ANXA1: variants seen among roughly 807,000 people sequenced by gnomAD.
The protein encoded by ANXA1 is annexin I (lipocortin I).
In ANXA1, 39 loss-of-function variants were observed where a neutral mutation model predicts 47.9. That is an observed-to-expected ratio of 0.81 (90% confidence interval 0.63 to 1.06). The LOEUF (loss-of-function observed/expected upper bound fraction) is 1.06, where lower values mean the gene tolerates loss of function less well. ANXA1 is among the 50% of genes least tolerant of loss of function. The pLI is 0.00. For synonymous variants in ANXA1, 146 were observed against 142.5 expected (o/e 1.02, Z -0.17); for missense variants, 446 against 422.7 (o/e 1.06, Z -0.48).
In ANXA1 at chr9:73,160,528, A is replaced by G. The variant is rs536114432; in HGVS notation, c.384+152A>G. 5.1e-6 allele frequency: 3 copies of G among 591,488 alleles called. No individual in the cohort carries two copies. The African/African-American group carries it at 5.7e-5, about 11-fold the overall frequency. 36.6% of individuals were successfully genotyped at this position (591,488 alleles called of 1,614,324 possible). On this transcript the variant is annotated intron_variant, in intron 5 of 12. Transcript: ENST00000257497. ...AATTAATACCTCAATGAAGGAATTA[A>G]TATATAAATGAAAACAGAAATGTTG...
intron 4 of ANXA1, 198 bp downstream of exon 4, chr9:73,159,621 A>G (rs991043840): frequency 4.4e-6 from 2 of 450,948 alleles, no homozygotes; most frequent in African/African-American, 2.0e-5. Flanking sequence ...TACATTAGTC[A>G]TCTTGGTGTA....
At position 73,158,699 on chromosome 9, in the gene ANXA1, C is replaced by G. The variant is rs770534471; in HGVS notation, c.71C>G (p.Thr24Ser). 2 of 1,613,612 alleles carry G rather than the reference C, an allele frequency of 1.2e-6. No homozygotes were observed. Among genetic ancestry groups the G allele is most frequent in the African/African-American group, 2.7e-5 (2 of 74,850 alleles). Residue 24 changes from threonine (T) to serine (S), a missense_variant, in exon 3 of 13, where the codon ACT becomes AGT. Transcript: ENST00000257497. ...IENEEQEYVQTVKSSKGGPGS... is the reference protein window; with the variant it reads ...IENEEQEYVQSVKSSKGGPGS... The stretch of plus-strand genomic sequence containing the variant: ...TTATTTCTCTCTCATTCTTAGCAAA[C>G]TGTGAAGTCATCCAAAGGTGGTCCC...
At position 73,170,091 on chromosome 9, in the gene ANXA1, TTTGTGG is replaced by T. The variant is rs1285462034; in HGVS notation, c.1026_1031del (p.Cys343_Gly344del). The T allele has an allele frequency of 4.4e-6, 7 of 1,606,628 alleles. No individual in the cohort carries two copies. The highest frequency in any genetic ancestry group is 2.7e-5 in the African/African-American group (2 of 74,774). On this transcript the variant is annotated inframe_deletion, in exon 13 of 13. Coordinates refer to ENST00000257497, the MANE Select transcript of ANXA1 (RefSeq NM_000700.3). ...GATTATGAGAAAATCCTGGTGGCTCTTTGTGGAGGAAACTAAACATTCCCTTGATGG... is the reference window on the plus strand; with the variant it reads ...GATTATGAGAAAATCCTGGTGGCTCTAGGAAACTAAACATTCCCTTGATGG...
At chr9:73,163,432 T>C in intron 7 of ANXA1, 44 bp from the exon 8 acceptor site, 1 of 1,566,142 alleles carries the variant, frequency 6.4e-7, no homozygotes. Flanking sequence ...ATCATGCAAT[T>C]ACATGCTAGA....
intron 7 of ANXA1, among the ~76,000 whole-genome samples, 153 bp from the exon 8 acceptor site, chr9:73,163,323 G>T (rs1824175031): frequency 6.6e-6 from 1 of 152,046 alleles, no homozygotes; most frequent in Admixed American, 6.6e-5. Context: ...TAAAACCATC[G>T]CAAGTAAAAT....
At chr9:73,163,282 T>G (rs544601839) in intron 7 of ANXA1, among the ~76,000 whole-genome samples, 194 bp from the exon 8 acceptor site, 15 of 152,204 alleles carry the variant, frequency 9.9e-5, no homozygotes, top group South Asian at 8.3e-4. Context: ...GGGATCAAAT[T>G]TCAACATGAG....
chr9:73,156,151 A>ATATAAATAAAT (rs1491573417), intron 1 of ANXA1, among the ~76,000 whole-genome samples: 2 of 112,736 alleles, frequency 1.8e-5, no homozygotes, highest in African/African-American at 1.1e-4. Flanking sequence ...TAAATAATAT[A>ATATAAATAAAT]AATAAATAAA....
intron 1 of ANXA1, among the ~76,000 whole-genome samples, chr9:73,153,751 A>G (rs1314355493): frequency 6.6e-6 from 1 of 152,232 alleles, no homozygotes; most frequent in Non-Finnish European, 1.5e-5. Context: ...ATTCAATAAT[A>G]CTTATTAACA....
chr9:73,170,121 G>C lies in ANXA1; in HGVS notation c.*14G>C. On this transcript the variant is annotated 3_prime_UTR_variant, in exon 13 of 13. Coordinates refer to ENST00000257497, the MANE Select transcript of ANXA1 (RefSeq NM_000700.3). Reference sequence around the variant, plus strand: ...GGAGGAAACTAAACATTCCCTTGATGGTCTCAAGCTATGATCAGAAGACTT... The same window carrying C: ...GGAGGAAACTAAACATTCCCTTGATCGTCTCAAGCTATGATCAGAAGACTT... The C allele has an allele frequency of 6.3e-7, 1 of 1,597,334 alleles. No individual in the cohort carries two copies. The highest frequency in any genetic ancestry group is 2.2e-5 in the East Asian group (1 of 44,492).
At chr9:73,156,155 A>AAATAAATAAAT (rs1554673380) in intron 1 of ANXA1, among the ~76,000 whole-genome samples, 5 of 145,378 alleles carry the variant, frequency 3.4e-5, no homozygotes, top group East Asian at 3.9e-4. Flanking sequence ...TAATATAAAT[A>AAATAAATAAAT]AATAAATAAA....
chr9:73,152,367 T>C (rs1255103540), intron 1 of ANXA1, among the ~76,000 whole-genome samples: 2 of 152,230 alleles, frequency 1.3e-5, no homozygotes, highest in African/African-American at 4.8e-5. Flanking sequence ...TGCAGGGAAC[T>C]GTTTCAAAAT....
intron 5 of ANXA1, 27 bp downstream of exon 5, chr9:73,160,403 CT>C: frequency 6.7e-7 from 1 of 1,489,950 alleles, no homozygotes; most frequent in South Asian, 1.3e-5. Context: ...GAGCAAACTC[CT>C]TTCCTCAAGA....
At chr9:73,165,089 A>G in intron 8 of ANXA1, 27 bp from the exon 9 acceptor site, 1 of 1,556,882 alleles carries the variant, frequency 6.4e-7, no homozygotes, top group African/African-American at 1.4e-5. Context: ...CAGATAGTGA[A>G]GTGTTTACTT....
At chr9:73,164,949 A>G (rs1050867918) in intron 8 of ANXA1, among the ~76,000 whole-genome samples, 167 bp from the exon 9 acceptor site, 3 of 152,174 alleles carry the variant, frequency 2.0e-5, no homozygotes, top group Non-Finnish European at 4.4e-5. Context: ...TATTTGACAA[A>G]CAAAATAAGG....
Position 73,160,829 on chromosome 9 carries a change from A to G in ANXA1, c.411A>G (p.Leu137=). 1 of 1,612,614 alleles carries G rather than the reference A, an allele frequency of 6.2e-7. No homozygotes were observed. Among genetic ancestry groups the G allele is most frequent in the East Asian group, 2.2e-5 (1 of 44,814 alleles). Residue 137 remains leucine, a synonymous_variant, in exon 6 of 13, where the codon CTA becomes CTG. Transcript: ENST00000257497. The part of the protein sequence containing the change: ...MKGLGTDEDT[L]IEILASRTNK... Reference sequence around the variant, plus strand: ...GCCTTGGAACTGATGAAGATACTCTAATTGAGATTTTGGCATCAAGAACTA... The same window carrying G: ...GCCTTGGAACTGATGAAGATACTCTGATTGAGATTTTGGCATCAAGAACTA...
Position 73,158,544 on chromosome 9 carries a change from G to T in ANXA1, c.9G>T (p.Met3Ile). The change falls in exon 2 of 13, where the codon ATG (methionine) becomes ATT (isoleucine). Residue 3 changes from methionine to isoleucine, a missense_variant. Transcript: ENST00000257497. The stretch of plus-strand genomic sequence containing the variant: ...CAGACACTTTTTCAAAAATGGCAAT[G>T]GTATCAGAATTCCTCAAGCAGGCCT... MA[M>I]VSEFLKQAWF... 6.2e-7 allele frequency: 1 copy of T among 1,613,454 alleles called. No homozygotes were observed. Among genetic ancestry groups the T allele is most frequent in the South Asian group, 1.1e-5 (1 of 91,050 alleles).
chr9:73,170,061 A>G lies in ANXA1; in HGVS notation c.995A>G (p.Lys332Arg), dbSNP rs1303742711. 6.2e-7 allele frequency: 1 copy of G among 1,607,884 alleles called. No individual in the cohort carries two copies. The highest frequency in any genetic ancestry group is 8.5e-7 in the Non-Finnish European group (1 of 1,176,594). Reference sequence around the variant, plus strand: ...TTTTTGAATCAACAGGATGAAACCAAAGGAGATTATGAGAAAATCCTGGTG... The same window carrying G: ...TTTTTGAATCAACAGGATGAAACCAGAGGAGATTATGAGAAAATCCTGGTG... ...SLCQAILDET[K>R]GDYEKILVAL... is the part of the protein sequence containing the mutation. Residue 332 changes from lysine to arginine, a missense_variant, in exon 13 of 13, where the codon AAA becomes AGA. Physicochemically the swap from Lys to Arg is conservative, Grantham distance 26. Transcript: ENST00000257497.
intron 9 of ANXA1, 61 bp from the exon 10 acceptor site, chr9:73,166,036 G>A: frequency 7.4e-7 from 1 of 1,358,044 alleles, no homozygotes; most frequent in Non-Finnish European, 1.0e-6. Context: ...CCTTGATTTT[G>A]CTAAAGCTTT....
chr9:73,165,044 C>A, intron 8 of ANXA1, 72 bp from the exon 9 acceptor site: 1 of 1,237,496 alleles, frequency 8.1e-7, no homozygotes, highest in Non-Finnish European at 1.2e-6. Context: ...TAATCTTTGA[C>A]AAGGTCTAAC....
Sources: gnomAD v4.1 joint callset for allele counts (sites outside exome capture counted in the v4.1 genomes callset) on GRCh38, gnomAD v4.1.1 for gene constraint, MANE v1.5 for transcripts, NCBI Gene and HGNC (gene_info 2026-07-23, HGNC 2026-07-21) for gene names.